The following SIL1 variants were observed in gnomAD, a reference collection of about 807,000 sequenced individuals.
The protein encoded by SIL1 is nucleotide exchange factor SIL1.
A neutral mutation model predicts 49.1 loss-of-function variants in SIL1; 40 were observed. That is an observed-to-expected ratio of 0.81 (90% confidence interval 0.63 to 1.06). SIL1 has a LOEUF of 1.06. SIL1 is among the 50% of genes least tolerant of loss of function. SIL1 has a pLI of 0.00. For missense variants in SIL1, 500 were observed against 572.6 expected (o/e 0.87, Z 1.29); for synonymous variants, 253 against 250.8 (o/e 1.01, Z -0.08).
chr5:138,956,092 C>T (rs772338845), intron 7 of SIL1, among the ~76,000 whole-genome samples: 29 of 152,194 alleles, frequency 1.9e-4, no homozygotes, highest in Non-Finnish European at 3.4e-4. Context: ...CACGCGTCCT[C>T]GTGACATTTC....
At chr5:139,028,638 TA>T (rs1768717205) in intron 5 of SIL1, among the ~76,000 whole-genome samples, 1 of 152,204 alleles carries the variant, frequency 6.6e-6, no homozygotes. Flanking sequence ...CCCTCAATGT[TA>T]ACATTTTACA....
At chr5:139,164,794 T>C (rs922301014) in intron 1 of SIL1, among the ~76,000 whole-genome samples, 1 of 152,224 alleles carries the variant, frequency 6.6e-6, no homozygotes, top group Non-Finnish European at 1.5e-5. Context: ...TCTGATTTTA[T>C]CTGGCCCAAA....
intron 6 of SIL1, among the ~76,000 whole-genome samples, chr5:139,024,952 A>G (rs1377234068): frequency 2.0e-5 from 3 of 152,038 alleles, no homozygotes; most frequent in Non-Finnish European, 4.4e-5. Context: ...GGGCTTCCAC[A>G]CTTGCTCTTC....
chr5:139,051,092 G>A (rs1283656834), intron 3 of SIL1, 46 bp from the exon 4 acceptor site: 1 of 1,583,382 alleles, frequency 6.3e-7, no homozygotes, highest in Non-Finnish European at 8.7e-7. Context: ...AAGGTCTTTG[G>A]AAGGCTGTCG....
chr5:139,174,765 C>T (rs1751843501), intron 1 of SIL1, among the ~76,000 whole-genome samples: 1 of 151,096 alleles, frequency 6.6e-6, no homozygotes, highest in Non-Finnish European at 1.5e-5. Context: ...TGCCAAAACC[C>T]TGTCTCTACT....
chr5:139,100,354 A>G (rs1421212508), intron 3 of SIL1, among the ~76,000 whole-genome samples: 2 of 152,188 alleles, frequency 1.3e-5, no homozygotes, highest in Non-Finnish European at 2.9e-5. Flanking sequence ...TTTAGGGAAC[A>G]AGAGCAAGAC....
chr5:139,009,392 C>G (rs1366022963), intron 7 of SIL1, among the ~76,000 whole-genome samples: 11 of 148,570 alleles, frequency 7.4e-5, no homozygotes, highest in African/African-American at 2.5e-4. Flanking sequence ...ACACAGCACA[C>G]TGATGGGTCT....
chr5:139,084,227 G>A (rs1272900655), intron 3 of SIL1, among the ~76,000 whole-genome samples: 7 of 151,090 alleles, frequency 4.6e-5, no homozygotes, highest in Non-Finnish European at 8.8e-5. Flanking sequence ...TCAGTGTGGC[G>A]ATTCCTCAGG....
intron 3 of SIL1, among the ~76,000 whole-genome samples, chr5:139,095,241 C>CTA (rs976472225): frequency 1.0e-4 from 15 of 147,212 alleles, no homozygotes; most frequent in East Asian, 2.0e-4. Flanking sequence ...GGGGGAGTAT[C>CTA]TATATATATA....
At position 139,127,853 on chromosome 5, in the gene SIL1, C is replaced by A. The variant is rs199951755; in HGVS notation, c.-10G>T. ...GGCTCTGGGGAGCCATAGTCAGGGA[C>A]CTGCAGGTGCAAGCATAGACAACAG... is the stretch of plus-strand genomic sequence containing the variant. On this transcript the variant is annotated splice_region_variant and 5_prime_UTR_variant, in exon 2 of 10. Coordinates refer to ENST00000394817, the MANE Select transcript of SIL1 (RefSeq NM_022464.5). 7 of 1,574,484 alleles carry A rather than the reference C, an allele frequency of 4.4e-6. No individual in the cohort carries two copies. Among genetic ancestry groups the A allele is most frequent in the Admixed American group, 1.8e-5 (1 of 56,366 alleles).
intron 3 of SIL1, among the ~76,000 whole-genome samples, chr5:139,084,480 T>C (rs2151772346): frequency 1.1e-5 from 1 of 91,298 alleles, no homozygotes; most frequent in Non-Finnish European, 2.2e-5. Flanking sequence ...TCATATCCTT[T>C]GTAGGGACAT....
At chr5:138,967,683 G>A (rs1242732210) in intron 7 of SIL1, among the ~76,000 whole-genome samples, 3 of 152,150 alleles carry the variant, frequency 2.0e-5, no homozygotes, top group South Asian at 2.1e-4. Flanking sequence ...ATGTCACAAC[G>A]ACAAAAAATA....
At chr5:138,990,844 T>G (rs1464966340) in intron 7 of SIL1, among the ~76,000 whole-genome samples, 1 of 152,246 alleles carries the variant, frequency 6.6e-6, no homozygotes, top group African/African-American at 2.4e-5. Context: ...GCCTCCCAAG[T>G]AGCTGGGATT....
intron 7 of SIL1, among the ~76,000 whole-genome samples, chr5:139,012,946 T>A (rs566857119): frequency 6.6e-6 from 1 of 152,344 alleles, no homozygotes; most frequent in Non-Finnish European, 1.5e-5. Flanking sequence ...TACAGCAAGA[T>A]CTGTCTCAAA....
intron 2 of SIL1, among the ~76,000 whole-genome samples, chr5:139,125,455 T>C (rs1202526654): frequency 6.6e-6 from 1 of 152,208 alleles, no homozygotes; most frequent in Non-Finnish European, 1.5e-5. Context: ...TAATGGTGGG[T>C]TGACAGACAC....
At chr5:139,189,312 G>A (rs1752127651) in intron 1 of SIL1, among the ~76,000 whole-genome samples, 1 of 152,162 alleles carries the variant, frequency 6.6e-6, no homozygotes. Flanking sequence ...TGTCAGATCA[G>A]TGGCAGCATT....
At chr5:139,126,087 T>A (rs1750747697) in intron 2 of SIL1, among the ~76,000 whole-genome samples, 2 of 152,202 alleles carry the variant, frequency 1.3e-5, no homozygotes, top group East Asian at 3.8e-4. Flanking sequence ...GTTGTGAAGG[T>A]GGCTGGCTGC....
intron 1 of SIL1, among the ~76,000 whole-genome samples, chr5:139,171,062 G>C (rs1400848070): frequency 7.0e-6 from 1 of 142,988 alleles, no homozygotes; most frequent in Non-Finnish European, 1.5e-5. Flanking sequence ...CAGCTGCCCC[G>C]TCCGGGAGGG....
chr5:139,170,101 G>A (rs1045745152), intron 1 of SIL1, among the ~76,000 whole-genome samples: 6 of 152,194 alleles, frequency 3.9e-5, no homozygotes, highest in African/African-American at 7.2e-5. Context: ...GCTCCTAACC[G>A]CGAGTGATCC....
Sources: gnomAD v4.1 joint callset for allele counts (sites outside exome capture counted in the v4.1 genomes callset) on GRCh38, gnomAD v4.1.1 for gene constraint, MANE v1.5 for transcripts, NCBI Gene and HGNC (gene_info 2026-07-23, HGNC 2026-07-21) for gene names.